The following DPP10 variants were observed in gnomAD, a reference collection of about 807,000 sequenced individuals.
DPP10 encodes dipeptidyl peptidase like 10.
DPP10 carries 33 observed loss-of-function variants against 120.9 expected under a neutral mutation model. That is an observed-to-expected ratio of 0.27 (90% confidence interval 0.21 to 0.37). The LOEUF is 0.37. Among genes scored for constraint, DPP10 ranks in the 10% least tolerant of loss-of-function variants. The probability of loss-of-function intolerance (pLI) is 1.00; values close to 1 mark genes in which losing one functional copy is unlikely to be tolerated. For synonymous variants in DPP10, 337 were observed against 326.1 expected, an observed-to-expected ratio of 1.03 and a Z score of -0.36; for missense variants, 816 against 942.8, an observed-to-expected ratio of 0.87 and a Z score of 1.76.
intron 5 of DPP10, among the ~76,000 whole-genome samples, chr2:115,581,548 C>A (rs891336639): frequency 6.6e-6 from 1 of 152,022 alleles, no homozygotes; most frequent in Non-Finnish European, 1.5e-5. Context: ...CTCTGTTATA[C>A]AAAATAACTC....
intron 1 of DPP10, among the ~76,000 whole-genome samples, chr2:115,221,269 TA>T (rs1264775981): frequency 2.0e-5 from 3 of 152,294 alleles, no homozygotes; most frequent in African/African-American, 7.2e-5. Flanking sequence ...AGGTGTACTT[TA>T]AATGAGAATG....
chr2:115,112,334 C>T (rs1229162068), intron 1 of DPP10, among the ~76,000 whole-genome samples: 2 of 151,956 alleles, frequency 1.3e-5, no homozygotes, highest in African/African-American at 2.4e-5. Context: ...TTTTCCTTTC[C>T]GTTCTATAAA....
chr2:115,537,009 A>G (rs1015054434), intron 5 of DPP10, among the ~76,000 whole-genome samples: 29 of 152,086 alleles, frequency 1.9e-4, no homozygotes, highest in African/African-American at 7.0e-4. Flanking sequence ...TTACTACACA[A>G]GACAGTCCTT....
intron 3 of DPP10, among the ~76,000 whole-genome samples, chr2:115,384,004 C>G (rs2066651418): frequency 6.6e-6 from 1 of 152,150 alleles, no homozygotes; most frequent in Non-Finnish European, 1.5e-5. Context: ...TAGAATACTG[C>G]CTGCATGCTT....
chr2:115,581,358 G>C (rs933216145), intron 5 of DPP10, among the ~76,000 whole-genome samples: 2 of 152,102 alleles, frequency 1.3e-5, no homozygotes, highest in African/African-American at 2.4e-5. Flanking sequence ...TAATGGGACA[G>C]TAAATCCAGG....
At chr2:115,174,545 A>G (rs1234776961) in intron 1 of DPP10, among the ~76,000 whole-genome samples, 3 of 152,212 alleles carry the variant, frequency 2.0e-5, no homozygotes, top group African/African-American at 7.2e-5. Context: ...TTAACATCTA[A>G]CTTTATAGAC....
At chr2:115,353,004 C>T (rs1574525956) in intron 3 of DPP10, among the ~76,000 whole-genome samples, 1 of 150,988 alleles carries the variant, frequency 6.6e-6, no homozygotes, top group South Asian at 2.1e-4. Flanking sequence ...GTACCACTGA[C>T]ATGTTCAAAA....
chr2:115,241,052 C>T (rs1020483020), intron 1 of DPP10, among the ~76,000 whole-genome samples: 1 of 152,094 alleles, frequency 6.6e-6, no homozygotes, highest in Non-Finnish European at 1.5e-5. Flanking sequence ...AGGCAGATCA[C>T]GAGGTCAGGA....
At chr2:115,457,808 T>A (rs962263320) in intron 3 of DPP10, among the ~76,000 whole-genome samples, 1 of 152,156 alleles carries the variant, frequency 6.6e-6, no homozygotes, top group Non-Finnish European at 1.5e-5. Context: ...TCCACTGTTA[T>A]TTATATGCCA....
chr2:114,962,631 C>T (rs955910226), intron 1 of DPP10, among the ~76,000 whole-genome samples: 19 of 152,226 alleles, frequency 1.2e-4, no homozygotes, highest in African/African-American at 4.1e-4. Flanking sequence ...CTTTGGGTTA[C>T]GATGTCTGCC....
intron 3 of DPP10, among the ~76,000 whole-genome samples, chr2:115,394,922 AAG>A (rs2067573017): frequency 1.3e-5 from 2 of 152,324 alleles, no homozygotes; most frequent in South Asian, 4.1e-4. Flanking sequence ...AGGGTGGCAT[AAG>A]AGAGTTCAAG....
At chr2:115,381,354 A>C (rs1355730396) in intron 3 of DPP10, among the ~76,000 whole-genome samples, 2 of 152,030 alleles carry the variant, frequency 1.3e-5, no homozygotes, top group South Asian at 4.2e-4. Flanking sequence ...TCGGCTCCTG[A>C]GGCTTCTGCA....
chr2:115,405,639 G>A lies in DPP10; in HGVS notation c.271+61727G>A, dbSNP rs2068450376. On this transcript the variant is annotated intron_variant, in intron 3 of 25. Transcript: ENST00000410059. ...TTGACAAAAACTTTGAAATCTAGTT[G>A]GAGGCTGCTGCACCTCCTCCACTCT... 4.6e-5 allele frequency among the ~76,000 whole-genome samples: 7 copies of A among 152,250 alleles called. No homozygotes were observed. In the South Asian group the frequency reaches 1.5e-3, roughly 32 times the overall value.
chr2:115,586,303 G>A (rs1049968044), intron 5 of DPP10, among the ~76,000 whole-genome samples: 4 of 151,998 alleles, frequency 2.6e-5, no homozygotes, highest in African/African-American at 9.7e-5. Flanking sequence ...CTCCAGCCTG[G>A]GCAACAGAGC....
At chr2:115,244,317 A>T (rs1241527336) in intron 1 of DPP10, among the ~76,000 whole-genome samples, 1 of 150,556 alleles carries the variant, frequency 6.6e-6, no homozygotes, top group East Asian at 1.9e-4. Context: ...GTACTATGAT[A>T]CATTGGCCTT....
chr2:114,820,837 C>T (rs180722157), intron 1 of DPP10, among the ~76,000 whole-genome samples: 171 of 152,314 alleles, frequency 1.1e-3, no homozygotes, highest in African/African-American at 4.1e-3. Context: ...ACAGCCAAAC[C>T]ATATCATTCT....
chr2:114,559,846 C>A (rs1160269766), intron 1 of DPP10, among the ~76,000 whole-genome samples: 6 of 113,586 alleles, frequency 5.3e-5, no homozygotes, highest in African/African-American at 2.1e-4. Flanking sequence ...AAACTTCTTC[C>A]AGGAAAATCA....
intron 1 of DPP10, among the ~76,000 whole-genome samples, chr2:115,268,395 C>G (rs553475031): frequency 2.0e-5 from 3 of 152,288 alleles, no homozygotes; most frequent in Admixed American, 2.0e-4. Context: ...CTTGAACAAT[C>G]TAGTGAATGA....
chr2:115,686,137 A>C (rs1208560715), intron 5 of DPP10, among the ~76,000 whole-genome samples: 2 of 151,980 alleles, frequency 1.3e-5, no homozygotes, highest in Non-Finnish European at 2.9e-5. Flanking sequence ...CTACTTAGTG[A>C]CATGTTTTTC....
Sources: allele counts gnomAD v4.1 joint callset (sites outside exome capture counted in the v4.1 genomes callset), GRCh38; gene constraint gnomAD v4.1.1; transcripts MANE v1.5; gene names NCBI Gene and HGNC (gene_info 2026-07-23, HGNC 2026-07-21).